DLGAP5: variants seen among roughly 807,000 people sequenced by gnomAD.
DLGAP5 encodes disks large-associated protein 5.
A neutral mutation model predicts 99.6 loss-of-function variants in DLGAP5; 90 were observed. That is an observed-to-expected ratio of 0.90 (90% CI 0.76 to 1.08). The LOEUF (loss-of-function observed/expected upper bound fraction) is 1.08, where lower values mean the gene tolerates loss of function less well. Among genes scored for constraint, DLGAP5 ranks in the 50% least tolerant of loss-of-function variants. The pLI is 0.00. For missense variants in DLGAP5, 1,036 were observed against 983.5 expected, an observed-to-expected ratio of 1.05 and a Z score of -0.71; for synonymous variants, 311 against 321.3, an observed-to-expected ratio of 0.97 and a Z score of 0.34.
intron 1 of DLGAP5, among the ~76,000 whole-genome samples, chr14:55,190,207 A>G (rs1046836750): frequency 3.3e-5 from 5 of 152,018 alleles, no homozygotes; most frequent in Non-Finnish European, 7.4e-5. Context: ...TCGAGGCAGG[A>G]CTGCTTGAGC....
At chr14:55,176,754 G>A (rs28584735) in intron 8 of DLGAP5, among the ~76,000 whole-genome samples, 3,748 of 151,784 alleles carry the variant, frequency 0.025, 150 homozygotes, top group African/African-American at 0.086. Context: ...CGAGGCGGGC[G>A]GATCACGAGG....
intron 13 of DLGAP5, among the ~76,000 whole-genome samples, 161 bp from the exon 14 acceptor site, chr14:55,158,902 TAAAAGGTA>T (rs1220480002): frequency 6.6e-6 from 1 of 152,128 alleles, no homozygotes; most frequent in Admixed American, 6.5e-5. Flanking sequence ...TAGTATGTGC[TAAAAGGTA>T]AAAAGGTAAA....
chr14:55,154,382 G>A (rs1882128060), intron 15 of DLGAP5, among the ~76,000 whole-genome samples: 1 of 152,176 alleles, frequency 6.6e-6, no homozygotes, highest in African/African-American at 2.4e-5. Context: ...ATACCATATT[G>A]CTTCTTTTCT....
At chr14:55,155,181 C>T (rs1001653059) in intron 14 of DLGAP5, among the ~76,000 whole-genome samples, 4 of 151,826 alleles carry the variant, frequency 2.6e-5, no homozygotes, top group African/African-American at 4.8e-5. Flanking sequence ...CATGCCACCA[C>T]GCCTGGCTAA....
chr14:55,150,092 A>G (rs967116375), intron 18 of DLGAP5, among the ~76,000 whole-genome samples: 3 of 151,972 alleles, frequency 2.0e-5, no homozygotes, highest in Non-Finnish European at 2.9e-5. Flanking sequence ...GCTGAAACCA[A>G]TGCTATATAT....
At chr14:55,190,253 G>A (rs1883564331) in intron 1 of DLGAP5, among the ~76,000 whole-genome samples, 1 of 148,420 alleles carries the variant, frequency 6.7e-6, no homozygotes, top group Non-Finnish European at 1.5e-5. Flanking sequence ...AACATAACAC[G>A]ACCCCGTCTC....
intron 12 of DLGAP5, among the ~76,000 whole-genome samples, chr14:55,168,469 T>C (rs1004899311): frequency 6.6e-6 from 1 of 152,228 alleles, no homozygotes; most frequent in Non-Finnish European, 1.5e-5. Context: ...GGCCTTTTTC[T>C]TTTAGGTTTG....
At chr14:55,174,535 C>A (rs151292121) in intron 10 of DLGAP5, among the ~76,000 whole-genome samples, 3 of 152,134 alleles carry the variant, frequency 2.0e-5, no homozygotes, top group African/African-American at 2.4e-5. Flanking sequence ...TGGGGCATCA[C>A]GGAACCTACC....
chr14:55,154,336 T>C (rs1250733360), intron 15 of DLGAP5, among the ~76,000 whole-genome samples: 2 of 152,232 alleles, frequency 1.3e-5, no homozygotes, highest in African/African-American at 4.8e-5. Context: ...TCAGAACTGT[T>C]GAGCACCAAA....
At chr14:55,183,484 G>C in intron 3 of DLGAP5, 76 bp downstream of exon 3, 1 of 1,235,722 alleles carries the variant, frequency 8.1e-7, no homozygotes, top group Non-Finnish European at 1.1e-6. Context: ...TAAGGGAAAG[G>C]GGTTAGTCAC....
chr14:55,170,533 A>G (rs183847943), intron 11 of DLGAP5, among the ~76,000 whole-genome samples, 169 bp downstream of exon 11: 2 of 152,302 alleles, frequency 1.3e-5, no homozygotes, highest in Non-Finnish European at 2.9e-5. Flanking sequence ...TGAGATATGA[A>G]AAACACTTGC....
Position 55,175,382 on chromosome 14 carries a change from C to A in DLGAP5, c.1265G>T (p.Arg422Leu), listed in dbSNP as rs377026946. 3 of 1,609,478 alleles carry A rather than the reference C, an allele frequency of 1.9e-6. No homozygotes were observed. In the South Asian group the frequency reaches 3.3e-5, roughly 18 times the overall value. Residue 422 changes from arginine (R) to leucine (L), a missense_variant, in exon 10 of 19, where the codon CGA (arginine) becomes CTA (leucine). Physicochemically the swap from Arg to Leu is moderately radical, Grantham distance 102. Transcript: ENST00000247191. ...EVPSLERNEG[R>L]IAQPHHGVPY... ...CACACCATGGTGGGGCTGAGCAATT[C>A]GACCTTCATTTCTTTCAAGTGATGG...
At chr14:55,158,271 A>C (rs1463147567) in intron 14 of DLGAP5, among the ~76,000 whole-genome samples, 1 of 152,252 alleles carries the variant, frequency 6.6e-6, no homozygotes, top group Non-Finnish European at 1.5e-5. Context: ...ACAGATGTGA[A>C]ATCACTTAGA....
intron 18 of DLGAP5, 168 bp from the exon 19 acceptor site, chr14:55,148,641 C>T (rs1189307253): frequency 1.4e-6 from 2 of 1,451,920 alleles, no homozygotes. Flanking sequence ...ATCACTTGAA[C>T]CCAGGACTTC....
intron 13 of DLGAP5, 22 bp downstream of exon 13, chr14:55,162,949 G>T: frequency 5.8e-6 from 8 of 1,377,782 alleles, no homozygotes; most frequent in East Asian, 2.4e-5. Flanking sequence ...AAAAAAATTG[G>T]ATATAAAACC....
chr14:55,185,548 G>A (rs545306215), intron 2 of DLGAP5, among the ~76,000 whole-genome samples: 21 of 151,440 alleles, frequency 1.4e-4, no homozygotes, highest in African/African-American at 4.1e-4. Flanking sequence ...GTGCAGTGGC[G>A]CAATCTTGGC....
At chr14:55,158,782 T>G in intron 13 of DLGAP5, 41 bp from the exon 14 acceptor site, 1 of 1,447,856 alleles carries the variant, frequency 6.9e-7, no homozygotes, top group South Asian at 1.2e-5. Flanking sequence ...CCCATTACCA[T>G]CTTACAAGAA....
Position 55,158,521 on chromosome 14 carries a change from C to A in DLGAP5, c.1873+1G>T. ...AAAATAAAAAATCAAAAACAACTAA[C>A]CTGAGAATAATTTAACAGGACTTTC... On this transcript the variant is annotated splice_donor_variant, in intron 14 of 18. Transcript: ENST00000247191. LOFTEE classifies it high-confidence loss of function. The A allele has an allele frequency of 6.2e-7, 1 of 1,611,920 alleles. No homozygotes were observed. The highest frequency in any genetic ancestry group is 8.5e-7 in the Non-Finnish European group (1 of 1,179,038).
intron 7 of DLGAP5, among the ~76,000 whole-genome samples, chr14:55,177,931 C>T (rs1362187557): frequency 6.6e-6 from 1 of 151,920 alleles, no homozygotes; most frequent in Non-Finnish European, 1.5e-5. Flanking sequence ...ACTTATTCAA[C>T]AAATACGTAT....
Sources: gnomAD v4.1 joint callset for allele counts (sites outside exome capture counted in the v4.1 genomes callset) on GRCh38, gnomAD v4.1.1 for gene constraint, MANE v1.5 for transcripts, NCBI Gene and HGNC (gene_info 2026-07-23, HGNC 2026-07-21) for gene names.